Variants in ATP13A4 observed in about 807,000 individuals in gnomAD.
ATP13A4 encodes ATPase 13A4.
A neutral mutation model predicts 142.5 loss-of-function variants in ATP13A4; 114 were observed. That is an observed-to-expected ratio of 0.80 (90% CI 0.69 to 0.93). The LOEUF is 0.93. Among genes scored for constraint, ATP13A4 ranks in the 40% least tolerant of loss-of-function variants. The pLI is 0.00. For synonymous variants in ATP13A4, 488 were observed against 514.8 expected (o/e 0.95, Z 0.70); for missense variants, 1,392 against 1,454.0 (o/e 0.96, Z 0.69).
intron 2 of ATP13A4, among the ~76,000 whole-genome samples, chr3:193,566,684 C>A (rs1229708030): frequency 6.6e-6 from 1 of 152,162 alleles, no homozygotes; most frequent in South Asian, 2.1e-4. Context: ...CATTCCTCAC[C>A]CCTTTCACTT....
chr3:193,514,769 C>T lies in ATP13A4; in HGVS notation c.163G>A (p.Ala55Thr). The T allele has an allele frequency of 6.2e-7, 1 of 1,614,202 alleles. No homozygotes were observed. The highest frequency in any genetic ancestry group is 2.2e-5 in the East Asian group (1 of 44,878). ...ILPLVFYWRP[A>T]WHVWAHCVPC... ...ACACAATGTGCCCATACGTGCCATG[C>T]TGGTCTCCAGTAAAACACCAAGGGG... The change falls in exon 2 of 30, where the codon GCA becomes ACA. Residue 55 changes from alanine (A) to threonine (T), a missense_variant. Transcript: ENST00000342695.
upstream of ATP13A4, among the ~76,000 whole-genome samples, chr3:193,558,818 C>T (rs1300924625): frequency 6.6e-6 from 1 of 152,194 alleles, no homozygotes; most frequent in Admixed American, 6.5e-5. Flanking sequence ...TACCTTCGTT[C>T]ATTCTCTGAT....
intron 1 of ATP13A4, among the ~76,000 whole-genome samples, chr3:193,522,393 T>G (rs181180945): frequency 6.6e-6 from 1 of 152,354 alleles, no homozygotes; most frequent in African/African-American, 2.4e-5. Flanking sequence ...ATATCTATTT[T>G]GTCATCTGCT....
intron 5 of ATP13A4, 47 bp downstream of exon 5, chr3:193,492,870 T>C (rs1720018850): frequency 7.1e-7 from 1 of 1,418,136 alleles, no homozygotes; most frequent in Non-Finnish European, 1.0e-6. Flanking sequence ...TTTGGCTAAC[T>C]GATAATAATC....
intron 26 of ATP13A4, 127 bp downstream of exon 26, chr3:193,414,451 GC>G: frequency 1.1e-6 from 1 of 928,084 alleles, no homozygotes; most frequent in Non-Finnish European, 1.7e-6. Flanking sequence ...CTGAAAATTT[GC>G]CCAAGGGACT....
chr3:193,529,885 A>T (rs1285430885), intron 1 of ATP13A4, among the ~76,000 whole-genome samples: 2 of 152,306 alleles, frequency 1.3e-5, no homozygotes, highest in Non-Finnish European at 2.9e-5. Context: ...AATCTTTTTC[A>T]TATAATAGCA....
intron 9 of ATP13A4, among the ~76,000 whole-genome samples, chr3:193,469,416 A>G (rs1718486924): frequency 6.6e-6 from 1 of 152,192 alleles, no homozygotes; most frequent in African/African-American, 2.4e-5. Context: ...ACTTGAGGTC[A>G]GGGGTTCAAG....
chr3:193,508,283 A>G (rs997704743), intron 2 of ATP13A4, among the ~76,000 whole-genome samples: 12 of 152,224 alleles, frequency 7.9e-5, no homozygotes, highest in Admixed American at 7.2e-4. Context: ...AGGCAAATAC[A>G]CTGCCCAAGG....
intron 1 of ATP13A4, among the ~76,000 whole-genome samples, chr3:193,520,391 G>T (rs1244127276): frequency 6.6e-6 from 1 of 152,230 alleles, no homozygotes; most frequent in African/African-American, 2.4e-5. Context: ...TGTTAAACTA[G>T]TCACATCATT....
intron 27 of ATP13A4, 66 bp from the exon 28 acceptor site, chr3:193,411,136 C>T (rs550961390): frequency 6.0e-5 from 62 of 1,028,348 alleles, no homozygotes; most frequent in South Asian, 2.3e-4. Context: ...CATATATTGA[C>T]GGATGTATTC....
intron 8 of ATP13A4, among the ~76,000 whole-genome samples, chr3:193,474,512 G>T (rs1718824170): frequency 6.7e-6 from 1 of 148,870 alleles, no homozygotes; most frequent in Admixed American, 6.7e-5. Flanking sequence ...CTCCAGTTGG[G>T]CAACAGTGCA....
intron 1 of ATP13A4, among the ~76,000 whole-genome samples, chr3:193,551,641 T>C (rs1723571782): frequency 6.6e-6 from 1 of 152,116 alleles, no homozygotes; most frequent in Non-Finnish European, 1.5e-5. Flanking sequence ...GTGAGTCTGG[T>C]GGGGGTAAGA....
At position 193,492,986 on chromosome 3, in the gene ATP13A4, T is replaced by C; in HGVS notation, c.464A>G (p.Asp155Gly). 9.9e-6 allele frequency: 16 copies of C among 1,610,114 alleles called. No individual in the cohort carries two copies. The highest frequency in any genetic ancestry group is 1.3e-5 in the African/African-American group (1 of 74,898). Residue 155 changes from aspartate (D) to glycine (G), a missense_variant, in exon 5 of 30, where the codon GAC becomes GGC. By Grantham distance (94) the Asp-to-Gly change is moderately conservative. Coordinates refer to ENST00000342695, the MANE Select transcript of ATP13A4 (RefSeq NM_032279.4). Reference protein sequence around the residue: ...GQFQKIGSLEDWLSSAKIHQK... With the variant: ...GQFQKIGSLEGWLSSAKIHQK... ...ATGTATCTTGGCAGAACTAAGCCAG[T>C]CTTCCAAAGAACTAAAATAATAATA...
At chr3:193,455,120 T>C (rs764257908) in intron 16 of ATP13A4, among the ~76,000 whole-genome samples, 6 of 151,870 alleles carry the variant, frequency 4.0e-5, no homozygotes, top group South Asian at 2.1e-4. Context: ...GGGCGGATTA[T>C]GAGGTCAGGA....
intron 2 of ATP13A4, among the ~76,000 whole-genome samples, chr3:193,578,312 T>A (rs575902602): frequency 7.0e-6 from 1 of 142,840 alleles, no homozygotes; most frequent in East Asian, 2.0e-4. Flanking sequence ...TATATCTATA[T>A]CTATATCTAT....
intron 2 of ATP13A4, among the ~76,000 whole-genome samples, chr3:193,570,361 T>A (rs1360559457): frequency 2.0e-5 from 3 of 152,228 alleles, no homozygotes; most frequent in African/African-American, 7.2e-5. Context: ...AATATATGCC[T>A]AAATTGTTGT....
At chr3:193,578,296 AATATCT>A (rs60425298) in intron 2 of ATP13A4, among the ~76,000 whole-genome samples, 46,108 of 146,182 alleles carry the variant, frequency 0.32, 7,352 homozygotes, top group East Asian at 0.47. Context: ...CCATCTCAGA[AATATCT>A]ATATCTATAT....
At chr3:193,545,325 A>C (rs1042734066) in intron 1 of ATP13A4, among the ~76,000 whole-genome samples, 1 of 152,112 alleles carries the variant, frequency 6.6e-6, no homozygotes, top group Non-Finnish European at 1.5e-5. Context: ...ATGTGTACCC[A>C]CTGAAATCAG....
At chr3:193,415,089 G>A (rs917127837) in intron 25 of ATP13A4, among the ~76,000 whole-genome samples, 1 of 152,188 alleles carries the variant, frequency 6.6e-6, no homozygotes, top group Non-Finnish European at 1.5e-5. Flanking sequence ...CAATAAATGT[G>A]AAGAGACTGA....
Sources: allele counts gnomAD v4.1 joint callset (sites outside exome capture counted in the v4.1 genomes callset), GRCh38; gene constraint gnomAD v4.1.1; transcripts MANE v1.5; gene names NCBI Gene and HGNC (gene_info 2026-07-23, HGNC 2026-07-21).